PLXNA2: variants seen among roughly 807,000 people sequenced by gnomAD.
PLXNA2 encodes plexin A2, also known as plexin-A2.
Under a neutral mutation model 193.5 loss-of-function variants are expected in PLXNA2, and 91 were observed. That is an observed-to-expected ratio of 0.47 (90% confidence interval 0.40 to 0.56). The LOEUF is 0.56. PLXNA2 is among the 20% of genes least tolerant of loss of function. The pLI, the probability that PLXNA2 is intolerant of heterozygous loss-of-function variation, is 0.00. For synonymous variants in PLXNA2, 997 were observed against 1,027.3 expected (o/e 0.97, Z 0.56); for missense variants, 1,995 against 2,503.2 (o/e 0.80, Z 4.33).
chr1:208,229,510 G>A (rs1479468297), intron 1 of PLXNA2, among the ~76,000 whole-genome samples: 1 of 152,186 alleles, frequency 6.6e-6, no homozygotes, highest in Non-Finnish European at 1.5e-5. Flanking sequence ...CTCAAGAAAT[G>A]ATTTGAACTA....
At chr1:208,140,351 G>C (rs934704410) in intron 4 of PLXNA2, among the ~76,000 whole-genome samples, 1 of 152,136 alleles carries the variant, frequency 6.6e-6, no homozygotes, top group Non-Finnish European at 1.5e-5. Context: ...AAAAAGATAT[G>C]CAGCTAAAAT....
chr1:208,044,496 GC>G lies in PLXNA2; in HGVS notation c.3874+11del. The G allele has an allele frequency of 6.3e-7, 1 of 1,584,942 alleles. No homozygotes were observed. Among genetic ancestry groups the G allele is most frequent in the Non-Finnish European group, 8.7e-7 (1 of 1,153,616 alleles). The stretch of plus-strand genomic sequence containing the variant: ...AGAGGGACCCAGCAAATGAGGGTGT[GC>G]TTCCACTAACCTTCCTTGCACTCCA... On this transcript the variant is annotated intron_variant, in intron 20 of 31. Coordinates refer to ENST00000367033, the MANE Select transcript of PLXNA2 (RefSeq NM_025179.4). This position sits in a 1 kb window ranked among gnomAD's most constrained non-coding sequence, Gnocchi z 4.9.
At chr1:208,070,117 A>G (rs972877311) in intron 12 of PLXNA2, among the ~76,000 whole-genome samples, 1 of 152,240 alleles carries the variant, frequency 6.6e-6, no homozygotes, top group Non-Finnish European at 1.5e-5. Context: ...GTCAACCACC[A>G]TGAGAATGCA....
chr1:208,226,970 G>A (rs73082022), intron 1 of PLXNA2, among the ~76,000 whole-genome samples: 2,123 of 152,298 alleles, frequency 0.014, 54 homozygotes, highest in African/African-American at 0.049. Context: ...CTGTGCAAAC[G>A]GAGTCCGAGA....
intron 17 of PLXNA2, among the ~76,000 whole-genome samples, chr1:208,048,256 C>G (rs1361559406): frequency 2.0e-4 from 30 of 152,188 alleles, no homozygotes. Context: ...CCTAGCTATC[C>G]ACTGGGGCAG....
At chr1:208,183,015 G>A (rs535687570) in intron 3 of PLXNA2, among the ~76,000 whole-genome samples, 2 of 152,308 alleles carry the variant, frequency 1.3e-5, no homozygotes, top group East Asian at 3.9e-4. Context: ...TACCCACAGC[G>A]ACTGGGGGAG....
rs979064733 is a variant in PLXNA2, at chr1:208,217,742, C to T, written c.181G>A (p.Ala61Thr). Residue 61 changes from alanine (A) to threonine (T), a missense_variant, in exon 2 of 32, where the codon GCC becomes ACC. Around this residue, in one of 3 missense-constraint regions of PLXNA2, gnomAD observed 702 missense variants for 812.9 expected, o/e 0.86. Coordinates refer to ENST00000367033, the MANE Select transcript of PLXNA2 (RefSeq NM_025179.4). This position sits in a 1 kb window ranked among gnomAD's most constrained non-coding sequence, Gnocchi z 4.7. The stretch of plus-strand genomic sequence containing the variant: ...CGGTTGATGGCCCCCACATAGACGG[C>T]CCCCGTCCCTTGGTGGACGGTCAAG... Reference protein sequence around the residue: ...NHLTVHQGTGAVYVGAINRVY... With the variant: ...NHLTVHQGTGTVYVGAINRVY... The T allele has an allele frequency of 3.1e-6, 5 of 1,614,052 alleles. No individual in the cohort carries two copies. Among genetic ancestry groups the T allele is most frequent in the Middle Eastern group, 1.6e-4 (1 of 6,084 alleles).
At chr1:208,138,895 C>T (rs1668382654) in intron 4 of PLXNA2, among the ~76,000 whole-genome samples, 1 of 152,112 alleles carries the variant, frequency 6.6e-6, no homozygotes, top group Non-Finnish European at 1.5e-5. Flanking sequence ...TGTGTGGTGG[C>T]ATGTACCTGT....
chr1:208,142,524 G>A, intron 3 of PLXNA2, 61 bp from the exon 4 acceptor site: 1 of 1,488,224 alleles, frequency 6.7e-7, no homozygotes. Context: ...TGGGCTACCT[G>A]CCTCTGCCCA....
At chr1:208,170,842 A>T (rs1558227387) in intron 3 of PLXNA2, among the ~76,000 whole-genome samples, 1 of 152,106 alleles carries the variant, frequency 6.6e-6, no homozygotes, top group East Asian at 1.9e-4. Context: ...TAAAATAAAT[A>T]AAATAAAATA....
intron 12 of PLXNA2, among the ~76,000 whole-genome samples, chr1:208,072,969 T>G (rs1666021776): frequency 6.6e-6 from 1 of 152,074 alleles, no homozygotes; most frequent in South Asian, 2.1e-4. Context: ...TAGCCCTCCA[T>G]CCCCCTCACC....
Position 208,096,824 on chromosome 1 carries a change from C to T in PLXNA2, c.1791G>A (p.Gly597=), listed in dbSNP as rs761054828. 6.2e-7 allele frequency: 1 copy of T among 1,614,080 alleles called. No homozygotes were observed. Among genetic ancestry groups the T allele is most frequent in the East Asian group, 2.2e-5 (1 of 44,872 alleles). Reference sequence around the variant, plus strand: ...CCTGCCCCTCCACCTCTGTCAGGTTCCCAAAGGCACAGGCGATACCCGCAG... The same window carrying T: ...CCTGCCCCTCCACCTCTGTCAGGTTTCCAAAGGCACAGGCGATACCCGCAG... ...DLSAGIACAF[G]NLTEVEGQVS... The change falls in exon 7 of 32, where the codon GGG becomes GGA. Residue 597 remains glycine, a synonymous_variant. Coordinates refer to ENST00000367033, the MANE Select transcript of PLXNA2 (RefSeq NM_025179.4).
At chr1:208,155,308 A>G (rs1325317480) in intron 3 of PLXNA2, among the ~76,000 whole-genome samples, 2 of 152,178 alleles carry the variant, frequency 1.3e-5, no homozygotes, top group African/African-American at 4.8e-5. Context: ...CACTTTGTGA[A>G]ATAGAGAAAA....
chr1:208,039,478 C>T (rs1359769), intron 24 of PLXNA2, 143 bp downstream of exon 24: 194,451 of 1,124,956 alleles, frequency 0.17, 19,372 homozygotes, highest in East Asian at 0.35. Flanking sequence ...GCTCTTGGTA[C>T]ACTTAGTTGT....
rs767112571 is a variant in PLXNA2, at chr1:208,051,118, G to A, written c.3162-16C>T. On this transcript the variant is annotated splice_polypyrimidine_tract_variant and intron_variant, in intron 16 of 31. Coordinates refer to ENST00000367033, the MANE Select transcript of PLXNA2 (RefSeq NM_025179.4). The stretch of plus-strand genomic sequence containing the variant: ...TGTGTGGCCACTGAAAACAGGCAGA[G>A]GCTCGGTTAGGTAAAAAACCCCCTC... The A allele has an allele frequency of 4.3e-6, 7 of 1,609,442 alleles. No individual in the cohort carries two copies. In the East Asian group the frequency reaches 1.3e-4, roughly 31 times the overall value.
At chr1:208,166,591 G>A (rs998111795) in intron 3 of PLXNA2, among the ~76,000 whole-genome samples, 1 of 152,184 alleles carries the variant, frequency 6.6e-6, no homozygotes, top group African/African-American at 2.4e-5. Context: ...AATGCACATG[G>A]AGCAGTTTGG....
At chr1:208,235,284 T>A (rs1671818073) in intron 1 of PLXNA2, among the ~76,000 whole-genome samples, 1 of 152,236 alleles carries the variant, frequency 6.6e-6, no homozygotes, top group Non-Finnish European at 1.5e-5. Flanking sequence ...ATAGAGATTT[T>A]CTTTAAATAA....
At chr1:208,077,466 G>A (rs550686963) in intron 12 of PLXNA2, among the ~76,000 whole-genome samples, 2 of 152,344 alleles carry the variant, frequency 1.3e-5, no homozygotes, top group South Asian at 4.1e-4. Flanking sequence ...CAGCCAGTTG[G>A]GGAGTGGATG....
intron 3 of PLXNA2, among the ~76,000 whole-genome samples, chr1:208,208,529 G>A (rs1197451457): frequency 1.3e-5 from 2 of 152,168 alleles, no homozygotes; most frequent in African/African-American, 2.4e-5. Context: ...GTGAACACTC[G>A]GTGACAGGAT....
Sources: allele counts gnomAD v4.1 joint callset (sites outside exome capture counted in the v4.1 genomes callset), GRCh38; gene constraint gnomAD v4.1.1; regional missense constraint gnomAD v4.1.1; non-coding constraint Gnocchi (gnomAD v3.1); transcripts MANE v1.5; gene names NCBI Gene and HGNC (gene_info 2026-07-23, HGNC 2026-07-21).